The following TTLL10 variants were observed in gnomAD, a reference collection of about 807,000 sequenced individuals.
The protein encoded by TTLL10 is tubulin tyrosine ligase like 10, also known as inactive polyglycylase TTLL10.
A neutral mutation model predicts 69.0 loss-of-function variants in TTLL10; 61 were observed. The observed-to-expected ratio is 0.88, with a 90% CI of 0.72 to 1.09. The LOEUF (loss-of-function observed/expected upper bound fraction) is 1.09. Among genes scored for constraint, TTLL10 ranks in the 50% least tolerant of loss-of-function variants. The probability of loss-of-function intolerance (pLI) is 0.00; values close to 1 mark genes in which losing one functional copy is unlikely to be tolerated. For synonymous variants in TTLL10, 408 were observed against 393.3 expected (o/e 1.04, Z -0.44); for missense variants, 962 against 945.9 (o/e 1.02, Z -0.22).
Position 1,191,849 on chromosome 1 carries a change from T to C in TTLL10, c.1402-4751T>C, listed in dbSNP as rs535914748. On this transcript the variant is annotated intron_variant, in intron 13 of 15. Coordinates refer to ENST00000379289, the MANE Select transcript of TTLL10 (RefSeq NM_001130045.2). Reference sequence around the variant, plus strand: ...GGATGGGCCAAATTAAAGGAATAGGTTGGGCTAGTTAACTGCATCAGGAAC... The same window carrying C: ...GGATGGGCCAAATTAAAGGAATAGGCTGGGCTAGTTAACTGCATCAGGAAC... 3.9e-5 allele frequency among the ~76,000 whole-genome samples: 6 copies of C among 152,386 alleles called. No homozygotes were observed. The East Asian group carries it at 7.7e-4, about 20-fold the overall frequency.
At chr1:1,180,932 C>G in intron 8 of TTLL10, 72 bp downstream of exon 8, 2 of 1,349,976 alleles carry the variant, frequency 1.5e-6, no homozygotes, top group Non-Finnish European at 2.0e-6. Flanking sequence ...TGCCCCTGCA[C>G]CCGCCCCACC....
At position 1,190,431 on chromosome 1, in the gene TTLL10, AT is replaced by A. The variant is rs541647229; in HGVS notation, c.1401+5336del. ...GGTTTAGTTTGCTCTTCTTTTACTA[AT>A]TTTTTTTTTTTTTGAGATGGAGTCT... On this transcript the variant is annotated intron_variant, in intron 13 of 15. Transcript: ENST00000379289. Among the ~76,000 whole-genome samples, 732 of 142,078 alleles carry A rather than the reference AT, an allele frequency of 5.2e-3. 4 individuals are homozygous for A. Among genetic ancestry groups the A allele is most frequent in the Non-Finnish European group, 4.5e-3 (294 of 64,808 alleles). The allele number at this position is 142,078 out of a possible 152,430, so 93.2% of individuals were successfully genotyped here.
At position 1,197,535 on chromosome 1, in the gene TTLL10, C is replaced by T. The variant is rs1393862341; in HGVS notation, c.1710C>T (p.Ala570=). 18 of 1,528,990 alleles carry T rather than the reference C, an allele frequency of 1.2e-5. 1 individual carries two copies. In the South Asian group the frequency reaches 1.3e-4, roughly 11 times the overall value. The allele number at this position is 1,528,990 out of a possible 1,614,324, so 94.7% of individuals were successfully genotyped here. Residue 570 remains alanine (A), a synonymous_variant, in exon 16 of 16, where the codon GCC becomes GCT. Coordinates refer to ENST00000379289, the MANE Select transcript of TTLL10 (RefSeq NM_001130045.2). ...TCGTGCTCCTGCACAACGGTGAGGCCGACCCGCGGCCGCACCTGGGGGGCT... is the reference window on the plus strand; with the variant it reads ...TCGTGCTCCTGCACAACGGTGAGGCTGACCCGCGGCCGCACCTGGGGGGCT... ...RRFVLLHNGE[A]DPRPHLGGSC...
intron 13 of TTLL10, chr1:1,196,374 T>G: frequency 1.9e-6 from 1 of 537,724 alleles, no homozygotes; most frequent in Non-Finnish European, 3.4e-6. Context: ...TTCCTCACTC[T>G]CGTATCTCCA....
At position 1,180,129 on chromosome 1, in the gene TTLL10, C is replaced by A; in HGVS notation, c.295C>A (p.Pro99Thr). 1 of 1,611,226 alleles carries A rather than the reference C, an allele frequency of 6.2e-7. No homozygotes were observed. The highest frequency in any genetic ancestry group is 8.5e-7 in the Non-Finnish European group (1 of 1,179,326). Residue 99 changes from proline (P) to threonine (T), a missense_variant, in exon 6 of 16, where the codon CCG (proline) becomes ACG (threonine). Transcript: ENST00000379289. ...CCACGACGCAGATGGACACTGTGGGCCGGACCTGGAGGGGGCAGAAAGAGC... is the reference window on the plus strand; with the variant it reads ...CCACGACGCAGATGGACACTGTGGGACGGACCTGGAGGGGGCAGAAAGAGC... The part of the protein sequence containing the change: ...PDHDADGHCG[P>T]DLEGAERASA...
intron 1 of TTLL10, 123 bp from the exon 2 acceptor site, chr1:1,174,162 G>T (rs200791501): frequency 1.3e-5 from 2 of 152,298 alleles, no homozygotes; most frequent in Admixed American, 1.3e-4. Context: ...GTGTGTACCC[G>T]GTGGGGTGGG....
chr1:1,182,512 G>T (rs1205827855), intron 10 of TTLL10, 66 bp downstream of exon 10: 3 of 1,529,586 alleles, frequency 2.0e-6, no homozygotes, highest in East Asian at 2.2e-5. Flanking sequence ...GGACCAAGGC[G>T]GGGGCTGATG....
At chr1:1,180,936 C>A (rs1230787283) in intron 8 of TTLL10, 76 bp downstream of exon 8, 1 of 1,349,212 alleles carries the variant, frequency 7.4e-7, no homozygotes, top group East Asian at 2.7e-5. Flanking sequence ...CCTGCACCCG[C>A]CCCACCCCTG....
Position 1,197,187 on chromosome 1 carries a change from G to A in TTLL10, c.1612+1G>A. Reference sequence around the variant, plus strand: ...CCAGGTGTGGTCATCGAGACCCTGGGTGAGCCTCCAAGCCCCCACCCCACA... The same window carrying A: ...CCAGGTGTGGTCATCGAGACCCTGGATGAGCCTCCAAGCCCCCACCCCACA... On this transcript the variant is annotated splice_donor_variant, in intron 15 of 15. Transcript: ENST00000379289. LOFTEE classifies it high-confidence loss of function. 1 of 1,549,498 alleles carries A rather than the reference G, an allele frequency of 6.5e-7. No homozygotes were observed. The highest frequency in any genetic ancestry group is 8.7e-7 in the Non-Finnish European group (1 of 1,146,546).
Position 1,182,868 on chromosome 1 carries a change from C to G in TTLL10, c.917-8C>G, listed in dbSNP as rs775929191. ...CGAGGCCAGGGGCTCAGGCCGCGCT[C>G]TCTGCAGAAACCCAGATATGGATCT... On this transcript the variant is annotated splice_region_variant and splice_polypyrimidine_tract_variant and intron_variant, in intron 10 of 15. Coordinates refer to ENST00000379289, the MANE Select transcript of TTLL10 (RefSeq NM_001130045.2). The G allele has an allele frequency of 1.3e-5, 20 of 1,563,186 alleles. No homozygotes were observed. The South Asian group carries it at 2.3e-4, about 18-fold the overall frequency.
chr1:1,182,121 G>A (rs1647088110), intron 9 of TTLL10, among the ~76,000 whole-genome samples: 1 of 152,234 alleles, frequency 6.6e-6, no homozygotes, highest in African/African-American at 2.4e-5. Flanking sequence ...GGAAAAAGCA[G>A]CCAGCGGGAG....
At chr1:1,189,905 G>C (rs929819732) in intron 13 of TTLL10, among the ~76,000 whole-genome samples, 4 of 152,128 alleles carry the variant, frequency 2.6e-5, no homozygotes, top group Non-Finnish European at 4.4e-5. Context: ...GAGGTCAGGA[G>C]ATCGAGACCA....
intron 3 of TTLL10, chr1:1,175,372 C>T (rs1646839056): frequency 6.8e-6 from 2 of 295,836 alleles, no homozygotes; most frequent in Admixed American, 9.2e-5. Context: ...CCAAAAAGCA[C>T]CTGATGCTGC....
At position 1,179,892 on chromosome 1, in the gene TTLL10, G is replaced by T. The variant is rs1332245250; in HGVS notation, c.200-142G>T. ...AGGCCGCCTGGTGGGGCCAGAGCTCGGGCTGAACTTGAGCCCCAGACGGGC... is the reference window on the plus strand; with the variant it reads ...AGGCCGCCTGGTGGGGCCAGAGCTCTGGCTGAACTTGAGCCCCAGACGGGC... On this transcript the variant is annotated intron_variant, in intron 5 of 15. Transcript: ENST00000379289. The T allele has an allele frequency of 9.0e-6, 13 of 1,437,306 alleles. No homozygotes were observed. The South Asian group carries it at 1.9e-4, about 21-fold the overall frequency. The allele number at this position is 1,437,306 out of a possible 1,614,324, so 89.0% of individuals were successfully genotyped here.
rs760285827 is a variant in TTLL10, at chr1:1,175,664, G to A, written c.-28+1175G>A. 70 of 453,144 alleles carry A rather than the reference G, an allele frequency of 1.5e-4. 1 individual carries two copies. The highest frequency in any genetic ancestry group is 8.9e-4 in the South Asian group (57 of 64,310). 28.1% of individuals were successfully genotyped at this position (453,144 alleles called of 1,614,324 possible). On this transcript the variant is annotated intron_variant, in intron 3 of 15. Transcript: ENST00000379289. ...CCCTGCAGACTGCGCAGTGTGTGGC[G>A]GGTGCTGTCCTGACATTACATGTGG...
chr1:1,185,381 A>C lies in TTLL10; in HGVS notation c.1401+272A>C, dbSNP rs1286027916. On this transcript the variant is annotated intron_variant, in intron 13 of 15. Transcript: ENST00000379289. This position sits in a 1 kb window ranked among gnomAD's most constrained non-coding sequence, Gnocchi z 6.1. ...GGCAGCCTCGCCGTAGGGTCAGGGGACAGCTCGGCTTCAGTGACAGCCACC... is the reference window on the plus strand; with the variant it reads ...GGCAGCCTCGCCGTAGGGTCAGGGGCCAGCTCGGCTTCAGTGACAGCCACC... The C allele has an allele frequency of 7.6e-7, 1 of 1,307,348 alleles. No homozygotes were observed. The highest frequency in any genetic ancestry group is 9.7e-7 in the Non-Finnish European group (1 of 1,029,192). 81.0% of individuals were successfully genotyped at this position (1,307,348 alleles called of 1,614,324 possible). A position where few individuals can be genotyped will look rare whatever the true frequency, so the allele number is the denominator to read the frequency against.
intron 13 of TTLL10, among the ~76,000 whole-genome samples, chr1:1,190,731 G>A (rs1647711034): frequency 1.3e-5 from 2 of 152,100 alleles, no homozygotes; most frequent in Non-Finnish European, 2.9e-5. Context: ...TAGGTGCTTA[G>A]TGCTATACAT....
intron 3 of TTLL10, among the ~76,000 whole-genome samples, chr1:1,177,374 C>T (rs562151231): frequency 3.3e-5 from 5 of 151,986 alleles, no homozygotes; most frequent in African/African-American, 7.3e-5. Context: ...TGCAGTGGCA[C>T]GATCTCAGCT....
At chr1:1,191,959 T>C (rs1385339083) in intron 13 of TTLL10, among the ~76,000 whole-genome samples, 3 of 152,260 alleles carry the variant, frequency 2.0e-5, no homozygotes, top group African/African-American at 4.8e-5. Flanking sequence ...GCGGGCCAGG[T>C]GTTCCTTGCC....
Sources: allele counts gnomAD v4.1 joint callset (sites outside exome capture counted in the v4.1 genomes callset), GRCh38; gene constraint gnomAD v4.1.1; non-coding constraint Gnocchi (gnomAD v3.1); transcripts MANE v1.5; gene names NCBI Gene and HGNC (gene_info 2026-07-23, HGNC 2026-07-21).